Variants in ME3 observed in about 807,000 individuals in gnomAD.
ME3 encodes the protein malic enzyme 3.
In ME3, 48 loss-of-function variants were observed where a neutral mutation model predicts 68.9. The ratio of observed to expected loss-of-function variants is 0.70; its 90% CI spans 0.55 to 0.89. ME3 has a LOEUF of 0.89. Ranked by LOEUF, ME3 falls within the 40% of genes least tolerant of loss-of-function variation. The pLI is 0.00. For missense variants in ME3, 675 were observed against 797.4 expected (o/e 0.85, Z 1.85); for synonymous variants, 320 against 318.8 (o/e 1.00, Z -0.04).
At chr11:86,444,177 G>A (rs2138586836) in intron 13 of ME3, among the ~76,000 whole-genome samples, 1 of 152,340 alleles carries the variant, frequency 6.6e-6, no homozygotes. Flanking sequence ...TCTCAGAAGT[G>A]TCACAGGCTG....
intron 3 of ME3, among the ~76,000 whole-genome samples, chr11:86,557,393 T>C (rs2139449163): frequency 6.6e-6 from 1 of 152,324 alleles, no homozygotes; most frequent in African/African-American, 2.4e-5. Context: ...CAATTAAGTG[T>C]GACTGCTAAT....
intron 2 of ME3, among the ~76,000 whole-genome samples, chr11:86,572,114 T>C (rs1390406990): frequency 6.6e-6 from 1 of 152,200 alleles, no homozygotes; most frequent in Admixed American, 6.5e-5. Flanking sequence ...TGAATCTTTC[T>C]TCCCAGAAGC....
intron 8 of ME3, among the ~76,000 whole-genome samples, chr11:86,463,832 T>C (rs1565813116): frequency 6.6e-6 from 1 of 152,188 alleles, no homozygotes; most frequent in Non-Finnish European, 1.5e-5. Flanking sequence ...GCATGGTGAA[T>C]GGTTATAGAC....
chr11:86,654,224 G>A (rs942003370), intron 2 of ME3, among the ~76,000 whole-genome samples: 9 of 152,086 alleles, frequency 5.9e-5, no homozygotes, highest in African/African-American at 2.2e-4. Flanking sequence ...GAAAATGAGG[G>A]AATCCTCCCT....
chr11:86,639,170 GTTA>G (rs945482980), intron 2 of ME3, among the ~76,000 whole-genome samples: 6 of 152,172 alleles, frequency 3.9e-5, no homozygotes, highest in East Asian at 1.9e-4. Flanking sequence ...AAAGTTTGCT[GTTA>G]TTATTGTTGT....
At chr11:86,521,085 G>C (rs1178740467) in intron 4 of ME3, among the ~76,000 whole-genome samples, 1 of 152,132 alleles carries the variant, frequency 6.6e-6, no homozygotes, top group Non-Finnish European at 1.5e-5. Flanking sequence ...AATCTCCATT[G>C]CTTATTATTA....
intron 11 of ME3, among the ~76,000 whole-genome samples, chr11:86,447,501 C>CAGGGAGATGCCAGGGTCTGCCTTGGG (rs1949379883): frequency 6.6e-6 from 1 of 152,098 alleles, no homozygotes; most frequent in Non-Finnish European, 1.5e-5. Flanking sequence ...CCTCAGGACA[C>CAGGGAGATGCCAGGGTCTGCCTTGGG]AGGGAGATGC....
At chr11:86,503,380 CCTTG>C (rs1371247508) in intron 5 of ME3, among the ~76,000 whole-genome samples, 1 of 152,244 alleles carries the variant, frequency 6.6e-6, no homozygotes, top group Non-Finnish European at 1.5e-5. Flanking sequence ...AAAAGAGCCA[CCTTG>C]CCCAAAGCCA....
At chr11:86,564,661 A>C (rs1183388179) in intron 2 of ME3, among the ~76,000 whole-genome samples, 1 of 152,194 alleles carries the variant, frequency 6.6e-6, no homozygotes, top group Non-Finnish European at 1.5e-5. Context: ...TGCAAAGAAT[A>C]AAATTGGACC....
chr11:86,513,767 G>C (rs564903244), intron 4 of ME3, among the ~76,000 whole-genome samples: 4 of 152,280 alleles, frequency 2.6e-5, no homozygotes, highest in African/African-American at 9.6e-5. Context: ...TTTCCTGGTA[G>C]TACTGCATCT....
chr11:86,650,996 G>A (rs1479627668), intron 2 of ME3, among the ~76,000 whole-genome samples: 1 of 152,198 alleles, frequency 6.6e-6, no homozygotes, highest in Non-Finnish European at 1.5e-5. Context: ...CTCACTCATT[G>A]CTAGCACAGC....
intron 2 of ME3, among the ~76,000 whole-genome samples, chr11:86,615,952 G>A (rs952978794): frequency 6.6e-6 from 1 of 152,098 alleles, no homozygotes; most frequent in Admixed American, 6.5e-5. Context: ...TGCATAGAAT[G>A]CATGGATAAG....
chr11:86,602,634 C>T lies in ME3; in HGVS notation c.184-42811G>A, dbSNP rs145790431. 4.0e-3 allele frequency among the ~76,000 whole-genome samples: 612 copies of T among 152,214 alleles called. 3 individuals are homozygous for T. The highest frequency in any genetic ancestry group is 6.8e-3 in the Non-Finnish European group (464 of 68,006). Reference sequence around the variant, plus strand: ...AAGTTCATATGGAACCAAAAAAGAGCCCGCATCAGTAAGTCAATCCTAAGC... The same window carrying T: ...AAGTTCATATGGAACCAAAAAAGAGTCCGCATCAGTAAGTCAATCCTAAGC... On this transcript the variant is annotated intron_variant, in intron 2 of 14. Transcript: ENST00000543262.
At chr11:86,522,099 A>G (rs1954358169) in intron 4 of ME3, among the ~76,000 whole-genome samples, 1 of 152,138 alleles carries the variant, frequency 6.6e-6, no homozygotes, top group Non-Finnish European at 1.5e-5. Flanking sequence ...AAAATACAAA[A>G]ATTAGCTGGG....
chr11:86,515,359 T>C (rs866951582), intron 4 of ME3, among the ~76,000 whole-genome samples: 6 of 152,222 alleles, frequency 3.9e-5, no homozygotes, highest in African/African-American at 1.4e-4. Flanking sequence ...ATCGCCATCA[T>C]TTTACAGATG....
intron 4 of ME3, among the ~76,000 whole-genome samples, chr11:86,542,417 T>A (rs1039044254): frequency 1.3e-5 from 2 of 151,898 alleles, no homozygotes; most frequent in Non-Finnish European, 2.9e-5. Flanking sequence ...GAAAAAAAGT[T>A]AGAGGAATTG....
At chr11:86,591,415 C>G (rs1026399013) in intron 2 of ME3, among the ~76,000 whole-genome samples, 3 of 152,214 alleles carry the variant, frequency 2.0e-5, no homozygotes, top group African/African-American at 7.2e-5. Flanking sequence ...AGGGTGGACC[C>G]AAATCCAATA....
At chr11:86,646,285 A>G (rs1297460127) in intron 2 of ME3, among the ~76,000 whole-genome samples, 3 of 152,236 alleles carry the variant, frequency 2.0e-5, no homozygotes, top group African/African-American at 7.2e-5. Flanking sequence ...ACCTAATGCA[A>G]GGAAGCTAAG....
intron 5 of ME3, among the ~76,000 whole-genome samples, chr11:86,506,309 A>G (rs1341724152): frequency 6.6e-6 from 1 of 152,194 alleles, no homozygotes; most frequent in African/African-American, 2.4e-5. Flanking sequence ...CAGTATTTAG[A>G]AGGTTCTCAA....
Sources: gnomAD v4.1 joint callset for allele counts (sites outside exome capture counted in the v4.1 genomes callset) on GRCh38, gnomAD v4.1.1 for gene constraint, MANE v1.5 for transcripts, NCBI Gene and HGNC (gene_info 2026-07-23, HGNC 2026-07-21) for gene names.